Variants in CAPN15 observed in about 807,000 individuals in gnomAD.
CAPN15 encodes the protein calpain 15.
In CAPN15, 53 loss-of-function variants were observed where a neutral mutation model predicts 97.9. The observed-to-expected ratio is 0.54, with a 90% confidence interval of 0.43 to 0.68. CAPN15 has a LOEUF of 0.68. CAPN15 is among the 30% of genes least tolerant of loss of function. The probability of loss-of-function intolerance (pLI) is 0.00; values close to 1 mark genes in which losing one functional copy is unlikely to be tolerated. For missense variants in CAPN15, 1,592 were observed against 1,589.8 expected (o/e 1.00, Z -0.02); for synonymous variants, 922 against 722.5 (o/e 1.28, Z -4.43).
chr16:530,045 C>A (rs2033138550), intron 1 of CAPN15, among the ~76,000 whole-genome samples: 2 of 152,252 alleles, frequency 1.3e-5, no homozygotes, highest in African/African-American at 4.8e-5. Context: ...TAAAGCCCTT[C>A]CGCATCCCTC....
Position 549,184 on chromosome 16 carries a change from G to A in CAPN15, c.1641G>A (p.Gly547=). 1 of 1,606,658 alleles carries A rather than the reference G, an allele frequency of 6.2e-7. No individual in the cohort carries two copies. The highest frequency in any genetic ancestry group is 1.1e-5 in the South Asian group (1 of 91,038). ...TGCGGCCCTCAGACATCCTGCAGGG[G>A]CTGCTGGGGAACTGCTGGTGAGGCC... The part of the protein sequence containing the change: ...HTLRPSDILQ[G]LLGNCWFLSA... Residue 547 remains glycine (G), a synonymous_variant, in exon 5 of 14, where the codon GGG becomes GGA. Coordinates refer to ENST00000219611, the MANE Select transcript of CAPN15 (RefSeq NM_005632.3).
rs531259241 is a variant in CAPN15, at chr16:536,069, C to T, written c.-96C>T. 9 of 970,762 alleles carry T rather than the reference C, an allele frequency of 9.3e-6. No homozygotes were observed. The Admixed American group carries it at 2.1e-4, about 23-fold the overall frequency. 60.1% of individuals were successfully genotyped at this position (970,762 alleles called of 1,614,324 possible). A position where few individuals can be genotyped will look rare whatever the true frequency, so the allele number is the denominator to read the frequency against. ...GGGAACCACGGACTGACCTGACCTG[C>T]GTCCTCGGGGCCACTGCACTGGGTG... On this transcript the variant is annotated 5_prime_UTR_variant, in exon 3 of 14. Coordinates refer to ENST00000219611, the MANE Select transcript of CAPN15 (RefSeq NM_005632.3).
chr16:531,277 C>A (rs917234260), intron 1 of CAPN15, among the ~76,000 whole-genome samples: 6 of 152,312 alleles, frequency 3.9e-5, no homozygotes, highest in Non-Finnish European at 5.9e-5. Flanking sequence ...TAGCTCGCTG[C>A]AGCCTCAAAC....
At chr16:534,897 G>A (rs774230054) in intron 2 of CAPN15, among the ~76,000 whole-genome samples, 25 of 152,282 alleles carry the variant, frequency 1.6e-4, no homozygotes, top group Non-Finnish European at 2.6e-4. Context: ...AAAGATTGAC[G>A]GAGATGTAGG....
At position 547,885 on chromosome 16, in the gene CAPN15, C is replaced by T. The variant is rs142840835; in HGVS notation, c.1047C>T (p.Cys349=). The T allele has an allele frequency of 1.6e-4, 251 of 1,611,274 alleles. No homozygotes were observed. The African/African-American group carries it at 3.0e-3, about 19-fold the overall frequency. Reference sequence around the variant, plus strand: ...TCACCACCTGGTCATGTGCCAAGTGCACGCTCAGAAACCCCACAGTGGCCC... The same window carrying T: ...TCACCACCTGGTCATGTGCCAAGTGTACGCTCAGAAACCCCACAGTGGCCC... ...PDFTTWSCAK[C]TLRNPTVAPR... Residue 349 remains cysteine (C), a synonymous_variant, in exon 4 of 14, where the codon TGC becomes TGT. Transcript: ENST00000219611.
chr16:552,576 G>A lies in CAPN15; in HGVS notation c.2738-29G>A, dbSNP rs1235980754. ...GCTCATGCCCCAGGCCCACGGGGAG[G>A]GCTGCGGTTCACACGCCCGTCCTTG... On this transcript the variant is annotated intron_variant, in intron 11 of 13. Coordinates refer to ENST00000219611, the MANE Select transcript of CAPN15 (RefSeq NM_005632.3). The surrounding 1 kb of genome is among the most constrained non-coding windows in gnomAD (Gnocchi z 6.4). The A allele has an allele frequency of 1.3e-5, 20 of 1,559,096 alleles. No homozygotes were observed. Among genetic ancestry groups the A allele is most frequent in the Non-Finnish European group, 1.5e-5 (17 of 1,155,954 alleles).
At chr16:530,249 C>T (rs980270370) in intron 1 of CAPN15, among the ~76,000 whole-genome samples, 42 of 152,228 alleles carry the variant, frequency 2.8e-4, no homozygotes, top group Admixed American at 1.3e-4. Context: ...CGCCCTGTCT[C>T]CCTGCTGGAT....
At position 552,524 on chromosome 16, in the gene CAPN15, C is replaced by T. The variant is rs2035166251; in HGVS notation, c.2731C>T (p.Pro911Ser). ...GCCGCCCCTGCCGGGCACCCCTGCC[C>T]CCCAGGGTACGTGGCCCCTACCCCA... is the stretch of plus-strand genomic sequence containing the variant. ...WGPPLPGTPA[P>S]QASSPSAGVP... is the part of the protein sequence containing the mutation. Residue 911 changes from proline to serine, a missense_variant, in exon 11 of 14, where the codon CCC (proline) becomes TCC (serine). Coordinates refer to ENST00000219611, the MANE Select transcript of CAPN15 (RefSeq NM_005632.3). The surrounding 1 kb of genome is among the most constrained non-coding windows in gnomAD (Gnocchi z 6.4). The T allele has an allele frequency of 1.9e-6, 3 of 1,599,846 alleles. No individual in the cohort carries two copies. The highest frequency in any genetic ancestry group is 1.1e-5 in the South Asian group (1 of 90,540).
chr16:528,834 T>G, intron 1 of CAPN15: 1 of 890,036 alleles, frequency 1.1e-6, no homozygotes, highest in Non-Finnish European at 1.3e-6. Flanking sequence ...TGTGTGCTTC[T>G]CCTTCGGGAA....
chr16:548,369 G>A lies in CAPN15; in HGVS notation c.1449+82G>A, dbSNP rs1342655412. On this transcript the variant is annotated intron_variant, in intron 4 of 13. Transcript: ENST00000219611. ...TTCCTAGGCTTTGGGCTCTGGCGAT[G>A]GGCTGGGGAGGAGCCCACAAGGCCT... 4 of 1,326,600 alleles carry A rather than the reference G, an allele frequency of 3.0e-6. No homozygotes were observed. In the Admixed American group the frequency reaches 1.0e-4, roughly 33 times the overall value. The allele number at this position is 1,326,600 out of a possible 1,614,324, so 82.2% of individuals were successfully genotyped here. A position where few individuals can be genotyped will look rare whatever the true frequency, so the allele number is the denominator to read the frequency against.
chr16:542,997 G>GC (rs1426253716), intron 3 of CAPN15, among the ~76,000 whole-genome samples: 2 of 151,876 alleles, frequency 1.3e-5, no homozygotes, highest in Non-Finnish European at 2.9e-5. Context: ...GTTGCAGTGA[G>GC]CCAAGATTGC....
rs1412878582 is a variant in CAPN15, at chr16:549,708, G to A, written c.1936G>A (p.Glu646Lys). Reference protein sequence around the residue: ...YFALQAGRAIEGLATLTGAPC... With the variant: ...YFALQAGRAIKGLATLTGAPC... ...TGCGCTCCAGGCGGGCCGCGCCATCGAAGGCCTGGCCACGCTCACCGGCGC... is the reference window on the plus strand; with the variant it reads ...TGCGCTCCAGGCGGGCCGCGCCATCAAAGGCCTGGCCACGCTCACCGGCGC... Residue 646 changes from glutamate to lysine, a missense_variant, in exon 7 of 14, where the codon GAA (glutamate) becomes AAA (lysine). Glu to Lys is a moderately conservative substitution (Grantham distance 56). Around this residue, in one of 3 missense-constraint regions of CAPN15, gnomAD observed 644 missense variants for 699.6 expected, o/e 0.92. Coordinates refer to ENST00000219611, the MANE Select transcript of CAPN15 (RefSeq NM_005632.3). 7.0e-6 allele frequency: 11 copies of A among 1,568,978 alleles called. No individual in the cohort carries two copies. The highest frequency in any genetic ancestry group is 9.5e-6 in the Non-Finnish European group (11 of 1,158,856).
chr16:552,497 G>A lies in CAPN15; in HGVS notation c.2704G>A (p.Gly902Arg), dbSNP rs771207761. ...GGTGTGCTGCGCCTTCAACCACTGG[G>A]GGCCGCCCCTGCCGGGCACCCCTGC... ...AVVCCAFNHW[G>R]PPLPGTPAPQ... Residue 902 changes from glycine (G) to arginine (R), a missense_variant, in exon 11 of 14, where the codon GGG becomes AGG. Physicochemically the swap from Gly to Arg is moderately radical, Grantham distance 125. Around this residue, in one of 3 missense-constraint regions of CAPN15, gnomAD observed 644 missense variants for 699.6 expected, o/e 0.92. Coordinates refer to ENST00000219611, the MANE Select transcript of CAPN15 (RefSeq NM_005632.3). This position sits in a 1 kb window ranked among gnomAD's most constrained non-coding sequence, Gnocchi z 6.4. 2.5e-6 allele frequency: 4 copies of A among 1,606,602 alleles called. No homozygotes were observed. The highest frequency in any genetic ancestry group is 2.2e-5 in the East Asian group (1 of 44,842).
At chr16:537,901 C>T (rs1408522981) in intron 3 of CAPN15, 2 of 152,246 alleles carry the variant, frequency 1.3e-5, no homozygotes, top group Non-Finnish European at 2.9e-5. Flanking sequence ...TGGAGGCCGC[C>T]AGCACTGGTG....
At chr16:539,793 TC>T (rs1332626426) in intron 3 of CAPN15, 1 of 152,304 alleles carries the variant, frequency 6.6e-6, no homozygotes, top group Non-Finnish European at 1.5e-5. Context: ...TCTTGACCCT[TC>T]CTTCTGTGAT....
At chr16:544,218 C>T (rs1567145304) in intron 3 of CAPN15, among the ~76,000 whole-genome samples, 1 of 152,144 alleles carries the variant, frequency 6.6e-6, no homozygotes, top group Admixed American at 6.5e-5. Context: ...GCAGAGCCCC[C>T]CATGGTATCC....
Position 546,901 on chromosome 16 carries a change from C to T in CAPN15, c.63C>T (p.Arg21=). Residue 21 remains arginine (R), a synonymous_variant, in exon 4 of 14, where the codon CGC becomes CGT. Coordinates refer to ENST00000219611, the MANE Select transcript of CAPN15 (RefSeq NM_005632.3). The part of the protein sequence containing the change: ...RCTFLNPAGQ[R]QCSICEAPRH... ...CCTTCCTGAACCCGGCCGGCCAGCG[C>T]CAGTGCTCCATCTGCGAGGCTCCCC... 2 of 1,611,638 alleles carry T rather than the reference C, an allele frequency of 1.2e-6. No homozygotes were observed. Among genetic ancestry groups the T allele is most frequent in the Non-Finnish European group, 1.7e-6 (2 of 1,179,870 alleles).
Position 547,357 on chromosome 16 carries a change from G to A in CAPN15, c.519G>A (p.Ser173=), listed in dbSNP as rs181831230. 6.3e-4 allele frequency: 980 copies of A among 1,547,768 alleles called. No individual in the cohort carries two copies. Among genetic ancestry groups the A allele is most frequent in the Non-Finnish European group, 7.8e-4 (895 of 1,153,684 alleles). Reference sequence around the variant, plus strand: ...TCTGCGGGGGCCCACGCAGGCTCTCGCTGCCACGGATCCCTCCTGAGGCCC... The same window carrying A: ...TCTGCGGGGGCCCACGCAGGCTCTCACTGCCACGGATCCCTCCTGAGGCCC... The part of the protein sequence containing the change: ...CSVCGGPRRL[S]LPRIPPEALV... The change falls in exon 4 of 14, where the codon TCG becomes TCA. Residue 173 remains serine (S), a synonymous_variant. Transcript: ENST00000219611.
chr16:550,839 ATGGCCCCGGTCG>A (rs2034976000), intron 7 of CAPN15, among the ~76,000 whole-genome samples: 18 of 91,010 alleles, frequency 2.0e-4, no homozygotes, highest in South Asian at 8.2e-4. Flanking sequence ...CCCGTCGGTG[ATGGCCCCGGTCG>A]GTGAGGGTCC....
Sources: allele counts gnomAD v4.1 joint callset (sites outside exome capture counted in the v4.1 genomes callset), GRCh38; gene constraint gnomAD v4.1.1; regional missense constraint gnomAD v4.1.1; non-coding constraint Gnocchi (gnomAD v3.1); transcripts MANE v1.5; gene names NCBI Gene and HGNC (gene_info 2026-07-23, HGNC 2026-07-21).